Variants in USH2A observed in about 807,000 individuals in gnomAD.
USH2A encodes Usher syndrome 2A (autosomal recessive, mild).
USH2A carries 443 observed loss-of-function variants against 538.9 expected under a neutral mutation model. That is an observed-to-expected ratio of 0.82 (90% CI 0.76 to 0.89). The LOEUF (loss-of-function observed/expected upper bound fraction) is 0.89, where lower values mean the gene tolerates loss of function less well. USH2A is among the 40% of genes least tolerant of loss of function. The pLI is 0.00. For synonymous variants in USH2A, 2,413 were observed against 2,273.5 expected, an observed-to-expected ratio of 1.06 and a Z score of -1.75; for missense variants, 6,633 against 6,324.8, an observed-to-expected ratio of 1.05 and a Z score of -1.65.
intron 63 of USH2A, among the ~76,000 whole-genome samples, chr1:215,671,887 A>C (rs1657828741): frequency 6.6e-6 from 1 of 152,128 alleles, no homozygotes; most frequent in Non-Finnish European, 1.5e-5. Flanking sequence ...ACATCATGGA[A>C]TTACGGTCTC....
intron 20 of USH2A, among the ~76,000 whole-genome samples, chr1:216,187,911 T>C (rs1308350689): frequency 6.6e-6 from 1 of 152,018 alleles, no homozygotes; most frequent in Non-Finnish European, 1.5e-5. Context: ...AGAGCCCGGA[T>C]TGAAACCCTG....
rs566131886 is a variant in USH2A at position 216,174,691 on chromosome 1, A to G, written c.4627+561T>C. On this transcript the variant is annotated intron_variant, in intron 21 of 71. Coordinates refer to ENST00000307340, the MANE Select transcript of USH2A (RefSeq NM_206933.4). ...TTAGAGAAGTTATCTTTTCCCTGGG[A>G]TTAGTTTTCCCCACAATGTTCTTCA... is the stretch of plus-strand genomic sequence containing the variant. 83 of 986,716 alleles carry G rather than the reference A, an allele frequency of 8.4e-5. No individual in the cohort carries two copies. In the African/African-American group the frequency reaches 1.4e-3, roughly 16 times the overall value. The allele number at this position is 986,716 out of a possible 1,614,324, so 61.1% of individuals were successfully genotyped here.
chr1:215,815,163 G>A (rs1195558261), intron 48 of USH2A, among the ~76,000 whole-genome samples: 4 of 151,364 alleles, frequency 2.6e-5, no homozygotes, highest in African/African-American at 7.3e-5. Flanking sequence ...CTCTTTTACC[G>A]CAATACCTGT....
chr1:216,271,978 T>A (rs112313595), intron 11 of USH2A, among the ~76,000 whole-genome samples: 1,596 of 152,256 alleles, frequency 0.01, 28 homozygotes, highest in African/African-American at 0.036. Context: ...TTTCTTTTAG[T>A]GCTTTGTTAG....
At chr1:215,887,188 CA>C (rs1665080783) in intron 41 of USH2A, among the ~76,000 whole-genome samples, 1 of 151,878 alleles carries the variant, frequency 6.6e-6, no homozygotes, top group African/African-American at 2.4e-5. Context: ...AGATCGGCCA[CA>C]ATCAGTAACG....
In USH2A at chr1:215,675,209, C is replaced by T. The variant is rs878928366; in HGVS notation, c.12702G>A (p.Thr4234=). Residue 4234 remains threonine (T), a synonymous_variant, in exon 63 of 72, where the codon ACG becomes ACA. Coordinates refer to ENST00000307340, the MANE Select transcript of USH2A (RefSeq NM_206933.4). ...AAGTGTAGATTTTATATTCACACTG[C>T]GTCCATGGTTGCAAACCTGTGTCAT... The part of the protein sequence containing the change: ...MYNDTGLQPW[T]QCEYKIYTWN... 60 of 1,613,760 alleles carry T rather than the reference C, an allele frequency of 3.7e-5. No homozygotes were observed. The highest frequency in any genetic ancestry group is 6.7e-5 in the African/African-American group (5 of 74,798).
intron 49 of USH2A, among the ~76,000 whole-genome samples, chr1:215,808,346 A>G (rs1662562031): frequency 6.6e-6 from 1 of 152,228 alleles, no homozygotes; most frequent in Middle Eastern, 3.4e-3. Flanking sequence ...CTAAAATTTA[A>G]CCATGAAAAT....
At chr1:216,287,366 C>T (rs1400791261) in intron 11 of USH2A, among the ~76,000 whole-genome samples, 1 of 152,122 alleles carries the variant, frequency 6.6e-6, no homozygotes, top group African/African-American at 2.4e-5. Context: ...TTTCATAATT[C>T]CATCCAATAA....
At chr1:216,122,544 T>C (rs1450126959) in intron 21 of USH2A, among the ~76,000 whole-genome samples, 1 of 152,130 alleles carries the variant, frequency 6.6e-6, no homozygotes, top group Non-Finnish European at 1.5e-5. Context: ...GGTTTTAGGA[T>C]ACTAGGCAGC....
At chr1:216,061,390 C>A (rs1038645921) in intron 30 of USH2A, among the ~76,000 whole-genome samples, 3 of 152,040 alleles carry the variant, frequency 2.0e-5, no homozygotes, top group Non-Finnish European at 4.4e-5. Flanking sequence ...TTTCTATTTA[C>A]TTTTAATAGC....
chr1:216,231,598 G>A (rs909236850), intron 14 of USH2A, among the ~76,000 whole-genome samples: 1 of 151,372 alleles, frequency 6.6e-6, no homozygotes, highest in Non-Finnish European at 1.5e-5. Flanking sequence ...TCCCAGGCTG[G>A]AGTACAGTGG....
At chr1:216,264,823 T>C (rs1187799671) in intron 11 of USH2A, among the ~76,000 whole-genome samples, 6 of 151,932 alleles carry the variant, frequency 3.9e-5, no homozygotes, top group African/African-American at 1.5e-4. Flanking sequence ...GAAAAGGACA[T>C]CCTCTTCAAT....
chr1:215,680,203 G>T lies in USH2A; in HGVS notation c.12240C>A (p.Gly4080=). ...CTGACCACTGTAGTAGCAATGCCCG[G>T]CCATTCTCTTTCTGTTCTACTATAA... ...RNFIVEQKEN[G]RALLLQWSEP... Residue 4080 remains glycine, a synonymous_variant, in exon 62 of 72, where the codon GGC becomes GGA. Coordinates refer to ENST00000307340, the MANE Select transcript of USH2A (RefSeq NM_206933.4). 2 of 1,614,102 alleles carry T rather than the reference G, an allele frequency of 1.2e-6. No homozygotes were observed. Among genetic ancestry groups the T allele is most frequent in the East Asian group, 4.5e-5 (2 of 44,882 alleles).
chr1:215,781,833 T>C (rs1016267389), intron 54 of USH2A, among the ~76,000 whole-genome samples: 2 of 152,228 alleles, frequency 1.3e-5, no homozygotes, highest in African/African-American at 4.8e-5. Context: ...TAACACAAGA[T>C]TGATATTTGG....
At chr1:215,881,145 T>C (rs956678914) in intron 41 of USH2A, among the ~76,000 whole-genome samples, 3 of 152,012 alleles carry the variant, frequency 2.0e-5, no homozygotes, top group Admixed American at 2.0e-4. Flanking sequence ...TGTTCAAGTT[T>C]TTTCTTTTTT....
intron 41 of USH2A, 151 bp downstream of exon 41, chr1:215,888,275 G>A (rs895595232): frequency 2.4e-5 from 27 of 1,130,384 alleles, no homozygotes; most frequent in Non-Finnish European, 5.1e-6. Flanking sequence ...ATTTAAGATA[G>A]TTTGGGCCAA....
At chr1:215,828,459 G>GA (rs915609961) in intron 47 of USH2A, among the ~76,000 whole-genome samples, 5 of 151,932 alleles carry the variant, frequency 3.3e-5, no homozygotes, top group East Asian at 3.9e-4. Context: ...CAACAAAAAA[G>GA]AAAAAAATAT....
chr1:215,817,220 C>T, intron 47 of USH2A, 25 bp from the exon 48 acceptor site: 6 of 1,608,942 alleles, frequency 3.7e-6, no homozygotes, highest in Non-Finnish European at 5.1e-6. Flanking sequence ...ATAATCAATA[C>T]TTCTGAAAAG....
intron 32 of USH2A, among the ~76,000 whole-genome samples, chr1:216,001,997 T>C (rs1214091286): frequency 2.6e-5 from 4 of 152,168 alleles, no homozygotes; most frequent in East Asian, 1.9e-4. Context: ...TCCCATTCAA[T>C]GTAGTCAGAA....
Sources: gnomAD v4.1 joint callset for allele counts (sites outside exome capture counted in the v4.1 genomes callset) on GRCh38, gnomAD v4.1.1 for gene constraint, MANE v1.5 for transcripts, NCBI Gene and HGNC (gene_info 2026-07-23, HGNC 2026-07-21) for gene names.